DGKH: variants seen among roughly 807,000 people sequenced by gnomAD.
DGKH encodes diacylglycerol kinase eta.
Under a neutral mutation model 159.3 loss-of-function variants are expected in DGKH, and 90 were observed. The ratio of observed to expected loss-of-function variants is 0.57; its 90% confidence interval spans 0.48 to 0.67. The LOEUF is 0.67. Among genes scored for constraint, DGKH ranks in the 30% least tolerant of loss-of-function variants. The pLI, the probability that DGKH is intolerant of heterozygous loss-of-function variation, is 0.00. For synonymous variants in DGKH, 536 were observed against 553.8 expected, an observed-to-expected ratio of 0.97 and a Z score of 0.45; for missense variants, 1,181 against 1,506.1, an observed-to-expected ratio of 0.78 and a Z score of 3.57.
chr13:42,184,958 A>G (rs1296486947), intron 13 of DGKH, among the ~76,000 whole-genome samples: 1 of 151,976 alleles, frequency 6.6e-6, no homozygotes, highest in African/African-American at 2.4e-5. Flanking sequence ...CTATGGGAAA[A>G]TCTGCATTCT....
intron 1 of DGKH, among the ~76,000 whole-genome samples, chr13:42,099,360 G>T (rs995210771): frequency 6.6e-6 from 1 of 152,098 alleles, no homozygotes; most frequent in Non-Finnish European, 1.5e-5. Flanking sequence ...CTGAATAAGG[G>T]CCCTGAAGGA....
intron 1 of DGKH, among the ~76,000 whole-genome samples, chr13:42,049,398 CTTCCCTGCCG>C (rs879918887): frequency 3.3e-5 from 5 of 152,212 alleles, no homozygotes; most frequent in Non-Finnish European, 5.9e-5. Context: ...TTCAATTTTT[CTTCCCTGCCG>C]TTCGGGGGAG....
intron 3 of DGKH, among the ~76,000 whole-genome samples, chr13:42,134,410 G>T (rs1566119280): frequency 6.6e-6 from 1 of 152,058 alleles, no homozygotes; most frequent in African/African-American, 2.4e-5. Context: ...TAATAACTTT[G>T]TTTTTTCAGT....
At chr13:42,041,782 C>T (rs547660704) in intron 1 of DGKH, among the ~76,000 whole-genome samples, 1 of 152,288 alleles carries the variant, frequency 6.6e-6, no homozygotes, top group South Asian at 2.1e-4. Context: ...TCGATATTTG[C>T]TACTCCTTCT....
intron 18 of DGKH, among the ~76,000 whole-genome samples, chr13:42,199,022 C>T (rs1957280802): frequency 6.6e-6 from 1 of 152,168 alleles, no homozygotes; most frequent in African/African-American, 2.4e-5. Context: ...TCAAGATATA[C>T]TTTCTTTTAC....
chr13:42,183,251 T>C (rs1956823104), intron 13 of DGKH, among the ~76,000 whole-genome samples: 1 of 151,848 alleles, frequency 6.6e-6, no homozygotes, highest in African/African-American at 2.4e-5. Context: ...ATCACGCCAT[T>C]GCACTCCAAT....
chr13:42,168,026 T>G lies in DGKH; in HGVS notation c.1119-414T>G, dbSNP rs149022371. ...TGAGAGCAATACAATGATTGGTGTCTTTAGGAACTGCCTGAGCGTCACTCA... is the reference window on the plus strand; with the variant it reads ...TGAGAGCAATACAATGATTGGTGTCGTTAGGAACTGCCTGAGCGTCACTCA... On this transcript the variant is annotated intron_variant, in intron 9 of 29. Coordinates refer to ENST00000337343, the MANE Select transcript of DGKH (RefSeq NM_178009.5). Among the ~76,000 whole-genome samples, 5 of 152,292 alleles carry G rather than the reference T, an allele frequency of 3.3e-5. No homozygotes were observed. The East Asian group carries it at 9.6e-4, about 29-fold the overall frequency.
At chr13:42,176,910 A>G (rs1956618228) in intron 12 of DGKH, among the ~76,000 whole-genome samples, 1 of 152,250 alleles carries the variant, frequency 6.6e-6, no homozygotes, top group African/African-American at 2.4e-5. Context: ...AGGAAAATGT[A>G]TGTGGTCTTT....
chr13:42,159,717 C>T (rs1220144861), intron 6 of DGKH, among the ~76,000 whole-genome samples: 1 of 152,168 alleles, frequency 6.6e-6, no homozygotes, highest in Non-Finnish European at 1.5e-5. Context: ...AAAACCTCAC[C>T]TCCACTGCAC....
In DGKH at chr13:42,166,539, T is replaced by G. The variant is rs755133612; in HGVS notation, c.983T>G (p.Phe328Cys). ...SDGFCRATFS[F>C]CVSPLLVFVN... ...GGTTTCTGTAGAGCAACATTTTCGT[T>G]CTGTGTTAGTCCTCTATTGGTTTTT... Residue 328 changes from phenylalanine to cysteine, a missense_variant, in exon 9 of 30, where the codon TTC (phenylalanine) becomes TGC (cysteine). Physicochemically the swap from Phe to Cys is radical, Grantham distance 205. Transcript: ENST00000337343. The G allele has an allele frequency of 1.3e-6, 2 of 1,557,964 alleles. No individual in the cohort carries two copies. Among genetic ancestry groups the G allele is most frequent in the Non-Finnish European group, 1.7e-6 (2 of 1,152,444 alleles).
At chr13:42,155,233 T>G in intron 3 of DGKH, 58 bp from the exon 4 acceptor site, 1 of 1,346,966 alleles carries the variant, frequency 7.4e-7, no homozygotes, top group Non-Finnish European at 1.0e-6. Context: ...ATGTTAGGTT[T>G]TGCAACAATC....
At chr13:42,071,716 C>A (rs1882980560) in intron 1 of DGKH, among the ~76,000 whole-genome samples, 4 of 152,336 alleles carry the variant, frequency 2.6e-5, no homozygotes, top group South Asian at 4.1e-4. Context: ...GTCCATCTTA[C>A]TCTGATACAA....
intron 7 of DGKH, among the ~76,000 whole-genome samples, chr13:42,160,567 A>G (rs149426168): frequency 5.4e-4 from 82 of 152,266 alleles, no homozygotes; most frequent in African/African-American, 1.9e-3. Context: ...CATGAAGCCA[A>G]CAGCTGATTA....
intron 1 of DGKH, among the ~76,000 whole-genome samples, chr13:42,105,355 G>A (rs1954727872): frequency 1.3e-5 from 2 of 152,130 alleles, no homozygotes; most frequent in Admixed American, 6.5e-5. Context: ...CCATTCATGA[G>A]GGCAGAGCCC....
chr13:42,094,553 T>C (rs1293449593), intron 1 of DGKH, among the ~76,000 whole-genome samples: 1 of 152,230 alleles, frequency 6.6e-6, no homozygotes, highest in Non-Finnish European at 1.5e-5. Flanking sequence ...ACAAAGAGTT[T>C]ACATTTTATC....
intron 6 of DGKH, 100 bp downstream of exon 6, chr13:42,159,472 G>A: frequency 1.2e-6 from 1 of 827,598 alleles, no homozygotes; most frequent in Non-Finnish European, 2.0e-6. Context: ...CTTATTATTA[G>A]GATTTAATAG....
At chr13:42,167,671 T>C (rs1956345016) in intron 9 of DGKH, among the ~76,000 whole-genome samples, 1 of 152,160 alleles carries the variant, frequency 6.6e-6, no homozygotes, top group Non-Finnish European at 1.5e-5. Context: ...AGTTTCCTCA[T>C]CTAGCCTCTC....
At chr13:42,210,542 C>A in intron 23 of DGKH, 60 bp from the exon 24 acceptor site, 1 of 1,494,946 alleles carries the variant, frequency 6.7e-7, no homozygotes, top group Non-Finnish European at 9.1e-7. Flanking sequence ...TTAAAGCACA[C>A]ATTTACATGG....
intron 29 of DGKH, among the ~76,000 whole-genome samples, chr13:42,223,299 A>G (rs918058637): frequency 5.9e-5 from 9 of 152,088 alleles, no homozygotes; most frequent in African/African-American, 2.2e-4. Flanking sequence ...TTCCGGTACT[A>G]CTTGTGAATA....
Sources: allele counts gnomAD v4.1 joint callset (sites outside exome capture counted in the v4.1 genomes callset), GRCh38; gene constraint gnomAD v4.1.1; transcripts MANE v1.5; gene names NCBI Gene and HGNC (gene_info 2026-07-23, HGNC 2026-07-21).